UPP2: variants seen among roughly 807,000 people sequenced by gnomAD.
UPP2 encodes UPase 2.
In UPP2, 23 loss-of-function variants were observed where a neutral mutation model predicts 26.7. The ratio of observed to expected loss-of-function variants is 0.86; its 90% CI spans 0.62 to 1.22. The LOEUF is 1.22. UPP2 is among the 50% of genes most tolerant of loss of function. UPP2 has a pLI of 0.00. For missense variants in UPP2, 387 were observed against 396.7 expected (o/e 0.98, Z 0.21); for synonymous variants, 127 against 141.3 (o/e 0.90, Z 0.72).
intron 3 of UPP2, among the ~76,000 whole-genome samples, chr2:158,071,883 G>A (rs1376327950): frequency 6.6e-6 from 1 of 152,134 alleles, no homozygotes; most frequent in African/African-American, 2.4e-5. Context: ...TTACAGGTGA[G>A]ACCCAGCACG....
intron 3 of UPP2, among the ~76,000 whole-genome samples, chr2:158,036,344 C>T (rs1371035154): frequency 6.6e-6 from 1 of 152,086 alleles, no homozygotes; most frequent in East Asian, 1.9e-4. Flanking sequence ...TACTCAGCTC[C>T]TTCACTACGA....
chr2:158,034,088 C>T (rs1327431425), intron 3 of UPP2, among the ~76,000 whole-genome samples: 1 of 152,194 alleles, frequency 6.6e-6, no homozygotes, highest in African/African-American at 2.4e-5. Flanking sequence ...ACTTTTCAAG[C>T]TAGCTGTATG....
intron 3 of UPP2, among the ~76,000 whole-genome samples, chr2:158,069,566 C>A (rs918850084): frequency 1.3e-5 from 2 of 152,302 alleles, no homozygotes; most frequent in Non-Finnish European, 1.5e-5. Context: ...TACAGTGCAC[C>A]GTGGTCGTCA....
At chr2:158,051,838 A>G (rs533280930) in intron 3 of UPP2, among the ~76,000 whole-genome samples, 23 of 152,154 alleles carry the variant, frequency 1.5e-4, no homozygotes, top group Non-Finnish European at 2.2e-4. Flanking sequence ...ACACAATGCT[A>G]TTCATATACA....
chr2:158,061,481 A>T (rs1682350988), intron 3 of UPP2, among the ~76,000 whole-genome samples: 1 of 152,184 alleles, frequency 6.6e-6, no homozygotes, highest in African/African-American at 2.4e-5. Flanking sequence ...AGCAGCATTG[A>T]CTTTTTATTT....
In UPP2 at chr2:157,996,606, C is replaced by T. The variant is rs192748008; in HGVS notation, c.61+1347C>T. On this transcript the variant is annotated intron_variant, in intron 2 of 9. Coordinates refer to the UPP2 transcript ENST00000605860. ...GTATTCTGTGAGGATTTACTATGGC[C>T]TTCTAGAGCTTTCTAGAATTAGAGA... Among the ~76,000 whole-genome samples the T allele has an allele frequency of 1.6e-4, 24 of 152,222 alleles. 1 individual carries two copies. The highest frequency in any genetic ancestry group is 1.4e-3 in the Admixed American group (21 of 15,284).
chr2:158,027,925 C>T (rs577989896), intron 3 of UPP2, among the ~76,000 whole-genome samples: 24 of 152,294 alleles, frequency 1.6e-4, no homozygotes, highest in Non-Finnish European at 2.9e-4. Flanking sequence ...CTTTCAGCCA[C>T]GGCTGGAGTG....
chr2:158,132,906 C>G (rs1255641939), intron 6 of UPP2, among the ~76,000 whole-genome samples: 2 of 152,078 alleles, frequency 1.3e-5, no homozygotes, highest in Admixed American at 1.3e-4. Flanking sequence ...AAAAGAGAAC[C>G]CTTGAATACT....
At chr2:158,046,310 G>A (rs1206251048) in intron 3 of UPP2, among the ~76,000 whole-genome samples, 1 of 152,176 alleles carries the variant, frequency 6.6e-6, no homozygotes, top group African/African-American at 2.4e-5. Context: ...CCCCTCACTT[G>A]AATATGATCC....
intron 3 of UPP2, among the ~76,000 whole-genome samples, chr2:158,023,462 G>T (rs1354448162): frequency 6.6e-6 from 1 of 152,146 alleles, no homozygotes; most frequent in East Asian, 1.9e-4. Context: ...CTCAAAATGA[G>T]ATCACAGAAT....
At chr2:158,007,050 G>A (rs1683502422) in intron 2 of UPP2, among the ~76,000 whole-genome samples, 1 of 152,116 alleles carries the variant, frequency 6.6e-6, no homozygotes. Flanking sequence ...GTACCCATTT[G>A]TATCCTTCTC....
intron 3 of UPP2, among the ~76,000 whole-genome samples, chr2:158,045,592 G>A (rs1041851529): frequency 1.3e-5 from 2 of 152,142 alleles, no homozygotes; most frequent in Admixed American, 6.5e-5. Context: ...TGTCCACCTG[G>A]AGGTGCCATG....
At chr2:158,113,727 C>T (rs115333573) in intron 2 of UPP2, among the ~76,000 whole-genome samples, 1,593 of 152,298 alleles carry the variant, frequency 0.01, 29 homozygotes, top group African/African-American at 0.036. Flanking sequence ...TTTCGTTAGA[C>T]AGATATTCTT....
chr2:158,111,171 T>C (rs1683311895), intron 2 of UPP2, among the ~76,000 whole-genome samples: 1 of 152,162 alleles, frequency 6.6e-6, no homozygotes, highest in African/African-American at 2.4e-5. Context: ...CGATTCCCTT[T>C]CCATAAGTTC....
intron 4 of UPP2, among the ~76,000 whole-genome samples, chr2:158,118,953 G>A (rs1683500754): frequency 6.6e-6 from 1 of 151,976 alleles, no homozygotes; most frequent in African/African-American, 2.4e-5. Flanking sequence ...CTTACATCTG[G>A]GAGAAAGTAG....
upstream of UPP2, among the ~76,000 whole-genome samples, chr2:158,099,999 T>A (rs939990944): frequency 2.0e-5 from 3 of 152,160 alleles, no homozygotes; most frequent in Admixed American, 6.5e-5. Context: ...GCATAATTTT[T>A]AAAAACGAAA....
intron 3 of UPP2, among the ~76,000 whole-genome samples, chr2:158,044,220 A>T (rs1005931944): frequency 6.6e-6 from 1 of 152,202 alleles, no homozygotes; most frequent in Admixed American, 6.5e-5. Context: ...AGAAAATGAG[A>T]GAGCAAGCAC....
chr2:158,092,855 G>A (rs1005853513), intron 3 of UPP2, among the ~76,000 whole-genome samples: 8 of 152,116 alleles, frequency 5.3e-5, no homozygotes, highest in Non-Finnish European at 1.2e-4. Flanking sequence ...TGAAATGTAA[G>A]GGTAACTATT....
At chr2:158,050,920 A>C (rs1430070464) in intron 3 of UPP2, among the ~76,000 whole-genome samples, 1 of 152,162 alleles carries the variant, frequency 6.6e-6, no homozygotes, top group African/African-American at 2.4e-5. Flanking sequence ...CTAAAAGAGT[A>C]TAATTGGACT....
Sources: gnomAD v4.1 joint callset for allele counts (sites outside exome capture counted in the v4.1 genomes callset) on GRCh38, gnomAD v4.1.1 for gene constraint, MANE v1.5 for transcripts, NCBI Gene and HGNC (gene_info 2026-07-23, HGNC 2026-07-21) for gene names.